The following POFUT1 variants were observed in gnomAD, a reference collection of about 807,000 sequenced individuals.
POFUT1 encodes the protein protein O-fucosyltransferase 1.
POFUT1 carries 16 observed loss-of-function variants against 42.4 expected under a neutral mutation model. That is an observed-to-expected ratio of 0.38 (90% confidence interval 0.26 to 0.57). The LOEUF (loss-of-function observed/expected upper bound fraction) is 0.57. Ranked by LOEUF, POFUT1 falls within the 20% of genes least tolerant of loss-of-function variation. The probability of loss-of-function intolerance (pLI) is 0.71; values close to 1 mark genes in which losing one functional copy is unlikely to be tolerated. For missense variants in POFUT1, 470 were observed against 504.6 expected, an observed-to-expected ratio of 0.93 and a Z score of 0.66; for synonymous variants, 206 against 205.4, an observed-to-expected ratio of 1.00 and a Z score of -0.03.
chr20:32,214,461 A>T (rs1289186340), intron 2 of POFUT1, among the ~76,000 whole-genome samples: 1 of 152,124 alleles, frequency 6.6e-6, no homozygotes, highest in Non-Finnish European at 1.5e-5. Flanking sequence ...ATACTCACCG[A>T]TTGGATCCCA....
intron 4 of POFUT1, chr20:32,223,160 T>C: frequency 2.0e-6 from 2 of 985,382 alleles, no homozygotes; most frequent in Non-Finnish European, 2.4e-6. Context: ...TCCCAGAGGT[T>C]CACTGGGCCC....
At chr20:32,213,949 AC>A (rs151108853) in intron 2 of POFUT1, among the ~76,000 whole-genome samples, 8,767 of 152,044 alleles carry the variant, frequency 0.058, 895 homozygotes, top group African/African-American at 0.2. Context: ...CCTGGGGCTA[AC>A]CCTGTTCCCT....
chr20:32,208,115 A>C (rs758385916), intron 1 of POFUT1, 50 bp downstream of exon 1: 1 of 1,513,122 alleles, frequency 6.6e-7, no homozygotes, highest in South Asian at 1.2e-5. Context: ...AGGCCGGGAG[A>C]GGAAAAGCCA....
intron 6 of POFUT1, among the ~76,000 whole-genome samples, chr20:32,234,009 T>G (rs991604237): frequency 6.6e-6 from 1 of 151,996 alleles, no homozygotes; most frequent in East Asian, 1.9e-4. Context: ...ATAGCAAGAC[T>G]CCTCCTCTAA....
chr20:32,208,062 A>C lies in POFUT1; in HGVS notation c.121A>C (p.Met41Leu). 1 of 1,553,884 alleles carries C rather than the reference A, an allele frequency of 6.4e-7. No homozygotes were observed. The highest frequency in any genetic ancestry group is 8.7e-7 in the Non-Finnish European group (1 of 1,153,718). ...PAGYLLYCPC[M>L]GRFGNQADHF... ...CGGTTACCTGCTCTACTGCCCCTGC[A>C]TGGGTAAGGCCTCCCAAGCCCTCTG... is the stretch of plus-strand genomic sequence containing the variant. Residue 41 changes from methionine to leucine, a missense_variant, in exon 1 of 7, where the codon ATG (methionine) becomes CTG (leucine). By Grantham distance (15) the Met-to-Leu change is conservative. Transcript: ENST00000375749.
intron 2 of POFUT1, among the ~76,000 whole-genome samples, chr20:32,214,831 G>A (rs1005105490): frequency 2.0e-5 from 3 of 152,270 alleles, no homozygotes; most frequent in African/African-American, 7.2e-5. Flanking sequence ...TAGCTTTGGC[G>A]TCTTTTGATG....
intron 4 of POFUT1, among the ~76,000 whole-genome samples, chr20:32,218,346 C>A (rs1033370574): frequency 5.3e-5 from 8 of 152,134 alleles, no homozygotes; most frequent in Non-Finnish European, 8.8e-5. Context: ...GCTATGTTGC[C>A]CAGGCTGGTC....
chr20:32,210,282 T>A, intron 2 of POFUT1, 90 bp downstream of exon 2: 1 of 1,327,954 alleles, frequency 7.5e-7, no homozygotes, highest in Non-Finnish European at 1.1e-6. Flanking sequence ...GGGCTTTACC[T>A]CCCACTCCTC....
intron 4 of POFUT1, among the ~76,000 whole-genome samples, chr20:32,225,760 G>T (rs2122591993): frequency 6.6e-6 from 1 of 152,072 alleles, no homozygotes; most frequent in South Asian, 2.1e-4. Flanking sequence ...AAAGTGCTGG[G>T]ATTACAGAAG....
intron 2 of POFUT1, among the ~76,000 whole-genome samples, chr20:32,214,450 G>T (rs540448738): frequency 1.3e-5 from 2 of 152,206 alleles, no homozygotes; most frequent in African/African-American, 4.8e-5. Context: ...AATTCTATTA[G>T]ATACTCACCG....
At chr20:32,217,445 A>C in intron 4 of POFUT1, 6 of 1,007,076 alleles carry the variant, frequency 6.0e-6, no homozygotes, top group Non-Finnish European at 7.1e-6. Flanking sequence ...TTGGCATTTA[A>C]TAGGGCAAAG....
chr20:32,209,922 G>A lies in POFUT1; in HGVS notation c.125-149G>A, dbSNP rs183625943. 28 of 780,050 alleles carry A rather than the reference G, an allele frequency of 3.6e-5. 1 individual carries two copies. In the East Asian group the frequency reaches 5.6e-4, roughly 16 times the overall value. 48.3% of individuals were successfully genotyped at this position (780,050 alleles called of 1,614,324 possible). A position where few individuals can be genotyped will look rare whatever the true frequency, so the allele number is the denominator to read the frequency against. ...AGAGCCTTGGATATCAGACCCAAGA[G>A]TCCAGACTTGTTCTTATGCTGCCAG... On this transcript the variant is annotated intron_variant, in intron 1 of 6. Coordinates refer to ENST00000375749, the MANE Select transcript of POFUT1 (RefSeq NM_015352.2).
At position 32,238,475 on chromosome 20, in the gene POFUT1, T is replaced by A. The variant is rs1220009443; in HGVS notation, c.*3814T>A. On this transcript the variant is annotated 3_prime_UTR_variant, in exon 7 of 7. Coordinates refer to ENST00000375749, the MANE Select transcript of POFUT1 (RefSeq NM_015352.2). ...AAAAATATTTTTATTTGTAAGAGTT[T>A]TTCTTTATTTAAAATGTTCATTAAT... 6.6e-6 allele frequency: 1 copy of A among 152,164 alleles called. No homozygotes were observed. The highest frequency in any genetic ancestry group is 2.4e-5 in the African/African-American group (1 of 41,424). The allele number at this position is 152,164 out of a possible 1,614,324, so 9.4% of individuals were successfully genotyped here. A position where few individuals can be genotyped will look rare whatever the true frequency, so the allele number is the denominator to read the frequency against.
At chr20:32,222,663 C>T (rs543098906) in intron 4 of POFUT1, 6 of 985,334 alleles carry the variant, frequency 6.1e-6, no homozygotes, top group South Asian at 4.7e-5. Context: ...AAACTGGGTT[C>T]GAGGGAAAGA....
At chr20:32,229,216 A>G (rs1346285299) in intron 5 of POFUT1, among the ~76,000 whole-genome samples, 2 of 152,208 alleles carry the variant, frequency 1.3e-5, no homozygotes, top group Admixed American at 1.3e-4. Context: ...TCTATTTTTT[A>G]TAAAGCTAGC....
At position 32,238,191 on chromosome 20, in the gene POFUT1, A is replaced by G; in HGVS notation, c.*3530A>G. On this transcript the variant is annotated 3_prime_UTR_variant, in exon 7 of 7. Coordinates refer to ENST00000375749, the MANE Select transcript of POFUT1 (RefSeq NM_015352.2). ...GCAGATCACTTGAGGTGAGGAGTTC[A>G]AGACCAGCCTGGCCAACATGGTGAA... 1 of 190,860 alleles carries G rather than the reference A, an allele frequency of 5.2e-6. No individual in the cohort carries two copies. The highest frequency in any genetic ancestry group is 9.4e-5 in the South Asian group (1 of 10,670). 11.8% of individuals were successfully genotyped at this position (190,860 alleles called of 1,614,324 possible).
At chr20:32,216,929 A>G (rs2047364456) in intron 4 of POFUT1, 1 of 1,592,008 alleles carries the variant, frequency 6.3e-7, no homozygotes, top group African/African-American at 1.3e-5. Context: ...CATGAGATTG[A>G]GAAAGAGTTC....
At chr20:32,233,736 G>A (rs1278059952) in intron 6 of POFUT1, among the ~76,000 whole-genome samples, 2 of 152,184 alleles carry the variant, frequency 1.3e-5, no homozygotes, top group Non-Finnish European at 2.9e-5. Context: ...GGGTAGATTG[G>A]ACGGACCTTG....
In POFUT1 at chr20:32,236,957, A is replaced by G. The variant is rs889123575; in HGVS notation, c.*2296A>G. The G allele has an allele frequency of 6.6e-6, 1 of 152,220 alleles. No homozygotes were observed. The highest frequency in any genetic ancestry group is 1.5e-5 in the Non-Finnish European group (1 of 68,044). 9.4% of individuals were successfully genotyped at this position (152,220 alleles called of 1,614,324 possible). ...AGCCAGAATTTGACCTCCCAGAGCC[A>G]GTTTCCATTAGCTGCCATGCTCTGC... On this transcript the variant is annotated 3_prime_UTR_variant, in exon 7 of 7. Coordinates refer to ENST00000375749, the MANE Select transcript of POFUT1 (RefSeq NM_015352.2).
Sources: allele counts gnomAD v4.1 joint callset (sites outside exome capture counted in the v4.1 genomes callset), GRCh38; gene constraint gnomAD v4.1.1; transcripts MANE v1.5; gene names NCBI Gene and HGNC (gene_info 2026-07-23, HGNC 2026-07-21).